Variants in ARHGEF3 observed in about 807,000 individuals in gnomAD.
ARHGEF3 encodes the protein Rho guanine nucleotide exchange factor 3.
In ARHGEF3, 28 loss-of-function variants were observed where a neutral mutation model predicts 63.2. The observed-to-expected ratio is 0.44, with a 90% CI of 0.33 to 0.61. ARHGEF3 has a LOEUF of 0.61. Ranked by LOEUF, ARHGEF3 falls within the 20% of genes least tolerant of loss-of-function variation. The probability of loss-of-function intolerance (pLI) is 0.03; values close to 1 mark genes in which losing one functional copy is unlikely to be tolerated. For missense variants in ARHGEF3, 533 were observed against 659.3 expected (o/e 0.81, Z 2.10); for synonymous variants, 266 against 254.2 (o/e 1.05, Z -0.44).
intron 1 of ARHGEF3, among the ~76,000 whole-genome samples, chr3:56,784,353 G>A (rs190460066): frequency 6.6e-6 from 1 of 152,242 alleles, no homozygotes; most frequent in Admixed American, 6.5e-5. Flanking sequence ...ACACCCATCC[G>A]CCGGTCTGGA....
chr3:57,054,862 T>C (rs149890100), intron 1 of ARHGEF3, among the ~76,000 whole-genome samples: 1 of 151,156 alleles, frequency 6.6e-6, no homozygotes, highest in Non-Finnish European at 1.5e-5. Flanking sequence ...TGTTGGCCAG[T>C]ATGATCTCAA....
intron 3 of ARHGEF3, among the ~76,000 whole-genome samples, chr3:56,948,427 T>C (rs1699628169): frequency 6.6e-6 from 1 of 151,988 alleles, no homozygotes; most frequent in Admixed American, 6.5e-5. Flanking sequence ...ATAGGTGCAA[T>C]AAAAAATGAT....
intron 1 of ARHGEF3, among the ~76,000 whole-genome samples, chr3:57,068,862 T>C (rs1020499572): frequency 1.6e-4 from 25 of 151,882 alleles, no homozygotes; most frequent in Non-Finnish European, 2.5e-4. Context: ...ACAAAATCCC[T>C]ATGAACTGCC....
chr3:56,927,662 A>G (rs531861860), intron 3 of ARHGEF3, among the ~76,000 whole-genome samples: 15 of 152,272 alleles, frequency 9.9e-5, no homozygotes, highest in African/African-American at 3.6e-4. Flanking sequence ...TGGAGGTTCA[A>G]TGTCAGGGAT....
intron 4 of ARHGEF3, among the ~76,000 whole-genome samples, chr3:56,816,467 T>C (rs2038274405): frequency 6.6e-6 from 1 of 152,232 alleles, no homozygotes; most frequent in Non-Finnish European, 1.5e-5. Flanking sequence ...CATTATTCTC[T>C]AGCATCTGTT....
At chr3:56,876,314 G>T (rs2040584521) in intron 4 of ARHGEF3, among the ~76,000 whole-genome samples, 1 of 152,152 alleles carries the variant, frequency 6.6e-6, no homozygotes, top group Non-Finnish European at 1.5e-5. Flanking sequence ...AGATGTCCCT[G>T]GCTGATACAT....
rs542343307 is a variant in ARHGEF3 at position 56,943,694 on chromosome 3, C to A, written c.129+15129G>T. Among the ~76,000 whole-genome samples, 7 of 152,280 alleles carry A rather than the reference C, an allele frequency of 4.6e-5. No homozygotes were observed. The East Asian group carries it at 7.7e-4, about 17-fold the overall frequency. On this transcript the variant is annotated intron_variant, in intron 3 of 12. Coordinates refer to the ARHGEF3 transcript ENST00000338458. ...CTTTGGGAGTACAAGGCAGGCGAAT[C>A]ACTTGAGGTCAGGAGTTCAAGACTA... is the stretch of plus-strand genomic sequence containing the variant.
intron 1 of ARHGEF3, among the ~76,000 whole-genome samples, chr3:57,035,765 G>A (rs1264548407): frequency 6.6e-6 from 1 of 152,234 alleles, no homozygotes; most frequent in African/African-American, 2.4e-5. Context: ...TAGGATATGA[G>A]CAACCTTCCC....
intron 4 of ARHGEF3, among the ~76,000 whole-genome samples, chr3:56,829,093 G>C (rs1578621937): frequency 6.6e-6 from 1 of 151,800 alleles, no homozygotes; most frequent in East Asian, 1.9e-4. Flanking sequence ...GCCTGGCTAA[G>C]TTTTGTATTT....
intron 7 of ARHGEF3, among the ~76,000 whole-genome samples, chr3:56,739,651 C>T (rs914096030): frequency 7.9e-5 from 12 of 151,958 alleles, no homozygotes; most frequent in African/African-American, 2.4e-4. Flanking sequence ...CTGCCTGCCT[C>T]GGCCTCCCAA....
At chr3:56,981,910 T>G (rs1045692311) in intron 2 of ARHGEF3, among the ~76,000 whole-genome samples, 5 of 152,138 alleles carry the variant, frequency 3.3e-5, no homozygotes, top group Admixed American at 6.5e-5. Flanking sequence ...GGATGCCCTC[T>G]CCCCTTTGGG....
chr3:56,830,534 C>T (rs996146947), intron 4 of ARHGEF3, among the ~76,000 whole-genome samples: 1 of 152,202 alleles, frequency 6.6e-6, no homozygotes, highest in African/African-American at 2.4e-5. Flanking sequence ...TGCATTACAG[C>T]AGCCAGAAGG....
At position 56,737,346 on chromosome 3, in the gene ARHGEF3, T is replaced by C. The variant is rs1282900536; in HGVS notation, c.880A>G (p.Ile294Val). The change falls in exon 8 of 10, where the codon ATT becomes GTT. Residue 294 changes from isoleucine (I) to valine (V), a missense_variant. Ile to Val is a conservative substitution (Grantham distance 29, BLOSUM62 3). Coordinates refer to ENST00000296315, the MANE Select transcript of ARHGEF3 (RefSeq NM_019555.3). ...TTGATTTCTGCCACAATTCCCTGAATGATATTTATCTATGAAAACAAAGAG... is the reference window on the plus strand; with the variant it reads ...TTGATTTCTGCCACAATTCCCTGAACGATATTTATCTATGAAAACAAAGAG... ...QQHLEEAINIIQGIVAEINTK... is the reference protein window; with the variant it reads ...QQHLEEAINIVQGIVAEINTK... 1 of 1,611,188 alleles carries C rather than the reference T, an allele frequency of 6.2e-7. No individual in the cohort carries two copies. Among genetic ancestry groups the C allele is most frequent in the East Asian group, 2.2e-5 (1 of 44,872 alleles).
Position 56,968,225 on chromosome 3 carries a change from TA to T in ARHGEF3, c.63-9337del, listed in dbSNP as rs1700721191. Among the ~76,000 whole-genome samples, 14 of 16,982 alleles carry T rather than the reference TA, an allele frequency of 8.2e-4. 1 individual carries two copies. The highest frequency in any genetic ancestry group is 7.4e-3 in the Admixed American group (5 of 674). 11.1% of individuals were successfully genotyped at this position (16,982 alleles called of 152,430 possible). A position where few individuals can be genotyped will look rare whatever the true frequency, so the allele number is the denominator to read the frequency against. On this transcript the variant is annotated intron_variant, in intron 2 of 12. Coordinates refer to the ARHGEF3 transcript ENST00000338458. The stretch of plus-strand genomic sequence containing the variant: ...ATATAAAAATATATATTATATATAA[TA>T]TATATATAAATATATATATTAATAT...
chr3:57,018,072 A>G (rs189730822), intron 2 of ARHGEF3, among the ~76,000 whole-genome samples: 1 of 150,490 alleles, frequency 6.6e-6, no homozygotes, highest in Admixed American at 6.6e-5. Flanking sequence ...TGAGGTCAGG[A>G]GTTTGAGACC....
chr3:56,773,904 C>G, intron 1 of ARHGEF3, 88 bp from the exon 2 acceptor site: 1 of 1,083,638 alleles, frequency 9.2e-7, no homozygotes, highest in Non-Finnish European at 1.3e-6. Context: ...TTCCACTCCA[C>G]AAGGTACTGG....
chr3:56,942,047 A>G (rs545942211), intron 3 of ARHGEF3, among the ~76,000 whole-genome samples: 33 of 152,314 alleles, frequency 2.2e-4, no homozygotes, highest in African/African-American at 7.5e-4. Context: ...AAAACTGGGG[A>G]TAATAATAAT....
intron 2 of ARHGEF3, among the ~76,000 whole-genome samples, chr3:56,963,012 C>A (rs760063958): frequency 1.3e-5 from 2 of 151,992 alleles, no homozygotes; most frequent in Admixed American, 6.6e-5. Flanking sequence ...CTCCTGCTGT[C>A]TGCGCACTGT....
intron 2 of ARHGEF3, among the ~76,000 whole-genome samples, chr3:57,005,517 C>A (rs534428845): frequency 4.9e-4 from 74 of 152,238 alleles, no homozygotes; most frequent in African/African-American, 1.8e-3. Context: ...TTTTGTGCAA[C>A]GGGGCAATCT....
Sources: allele counts gnomAD v4.1 joint callset (sites outside exome capture counted in the v4.1 genomes callset), GRCh38; gene constraint gnomAD v4.1.1; transcripts MANE v1.5; gene names NCBI Gene and HGNC (gene_info 2026-07-23, HGNC 2026-07-21).